Variants in SLC7A10 observed in about 807,000 individuals in gnomAD.
The protein encoded by SLC7A10 is solute carrier family 7 member 10.
In SLC7A10, 30 loss-of-function variants were observed where a neutral mutation model predicts 52.7. The ratio of observed to expected loss-of-function variants is 0.57; its 90% confidence interval spans 0.43 to 0.77. The LOEUF (loss-of-function observed/expected upper bound fraction) is 0.77. SLC7A10 is among the 30% of genes least tolerant of loss of function. The pLI, the probability that SLC7A10 is intolerant of heterozygous loss-of-function variation, is 0.00. For synonymous variants in SLC7A10, 318 were observed against 314.9 expected (o/e 1.01, Z -0.10); for missense variants, 581 against 698.5 (o/e 0.83, Z 1.90).
chr19:33,220,170 G>A (rs575473429), intron 1 of SLC7A10: 17 of 152,390 alleles, frequency 1.1e-4, no homozygotes, highest in African/African-American at 4.1e-4. Flanking sequence ...CCAAGGAGGT[G>A]AGTGGGGACA....
chr19:33,219,605 T>TG (rs1413613781), intron 1 of SLC7A10, among the ~76,000 whole-genome samples: 1 of 152,180 alleles, frequency 6.6e-6, no homozygotes, highest in African/African-American at 2.4e-5. Context: ...ATCTGCCAGG[T>TG]GGGGCCACTG....
At chr19:33,221,346 C>G (rs543074376) in intron 1 of SLC7A10, among the ~76,000 whole-genome samples, 2 of 152,294 alleles carry the variant, frequency 1.3e-5, no homozygotes, top group South Asian at 4.1e-4. Context: ...TCTTGACCCC[C>G]CCATGGTGTC....
At chr19:33,216,360 T>C (rs1003634451) in intron 1 of SLC7A10, among the ~76,000 whole-genome samples, 1 of 152,182 alleles carries the variant, frequency 6.6e-6, no homozygotes, top group Non-Finnish European at 1.5e-5. Flanking sequence ...ACAAGGCCCA[T>C]GCTCAGCCCT....
At chr19:33,224,732 C>G (rs1289825780) in intron 1 of SLC7A10, among the ~76,000 whole-genome samples, 1 of 152,206 alleles carries the variant, frequency 6.6e-6, no homozygotes, top group Non-Finnish European at 1.5e-5. Context: ...TGACTTGGGA[C>G]AGAGAGTGGA....
chr19:33,211,202 C>T, intron 7 of SLC7A10, 23 bp downstream of exon 7: 2 of 1,608,884 alleles, frequency 1.2e-6, no homozygotes, highest in Non-Finnish European at 1.7e-6. Context: ...CTCCCCATGC[C>T]CACGTCTCCC....
At chr19:33,214,089 G>A (rs1300456030) in intron 2 of SLC7A10, among the ~76,000 whole-genome samples, 1 of 152,096 alleles carries the variant, frequency 6.6e-6, no homozygotes. Context: ...CGCATGTTCC[G>A]TGCCCAGGGA....
At chr19:33,223,352 A>T (rs533091054) in intron 1 of SLC7A10, among the ~76,000 whole-genome samples, 1 of 151,854 alleles carries the variant, frequency 6.6e-6, no homozygotes, top group African/African-American at 2.4e-5. Flanking sequence ...AGGAAAGGAA[A>T]GGAAGCAGGA....
At chr19:33,218,560 G>C (rs1974738548) in intron 1 of SLC7A10, among the ~76,000 whole-genome samples, 1 of 151,672 alleles carries the variant, frequency 6.6e-6, no homozygotes, top group Non-Finnish European at 1.5e-5. Context: ...GGAGCAGCCG[G>C]GGCTGCGGGC....
chr19:33,210,303 G>C lies in SLC7A10; in HGVS notation c.1263+164C>G, dbSNP rs1974514226. 6.6e-6 allele frequency among the ~76,000 whole-genome samples: 1 copy of C among 152,148 alleles called. No homozygotes were observed. The highest frequency in any genetic ancestry group is 6.6e-5 in the Admixed American group (1 of 15,266). ...GCATTCAAAGCTCTGTCCTCATGGG[G>C]CTGCTATGAGGAATGGCTGCCTCAG... is the stretch of plus-strand genomic sequence containing the variant. On this transcript the variant is annotated intron_variant, in intron 9 of 10. Coordinates refer to ENST00000253188, the MANE Select transcript of SLC7A10 (RefSeq NM_019849.3). This position sits in a 1 kb window ranked among gnomAD's most constrained non-coding sequence, Gnocchi z 5.6.
rs1374437432 is a variant in SLC7A10, at chr19:33,225,697, C to G, written c.7G>C (p.Gly3Arg). The G allele has an allele frequency of 3.9e-6, 6 of 1,531,416 alleles. No homozygotes were observed. The African/African-American group carries it at 5.7e-5, about 14-fold the overall frequency. 94.9% of individuals were successfully genotyped at this position (1,531,416 alleles called of 1,614,324 possible). Reference protein sequence around the residue: MAGHTQQPSGRGN... With the variant: MARHTQQPSGRGN... ...CGCCCGCTCGGCTGCTGCGTGTGGC[C>G]GGCCATGTCGCTGTCCCGCCGCGTC... The change falls in exon 1 of 11, where the codon GGC (glycine) becomes CGC (arginine). Residue 3 changes from glycine (G) to arginine (R), a missense_variant. Transcript: ENST00000253188.
chr19:33,215,650 A>ATCCAGCCCCCACACCTTCTCTCCC (rs1974660684), intron 2 of SLC7A10, 119 bp downstream of exon 2: 6 of 723,404 alleles, frequency 8.3e-6, no homozygotes, highest in East Asian at 6.8e-5. Context: ...CCTTCTCTCC[A>ATCCAGCCCCCACACCTTCTCTCCC]TCCACCCCCA....
In SLC7A10 at chr19:33,212,598, T is replaced by C; in HGVS notation, c.550A>G (p.Thr184Ala). 6.2e-7 allele frequency: 1 copy of C among 1,613,922 alleles called. No homozygotes were observed. The highest frequency in any genetic ancestry group is 8.5e-7 in the Non-Finnish European group (1 of 1,180,042). Residue 184 changes from threonine to alanine, a missense_variant, in exon 4 of 11, where the codon ACG (threonine) becomes GCG (alanine). Thr to Ala is a moderately conservative substitution (Grantham distance 58, BLOSUM62 0). Coordinates refer to ENST00000253188, the MANE Select transcript of SLC7A10 (RefSeq NM_019849.3). The stretch of plus-strand genomic sequence containing the variant: ...CCTGTGAACATGTCCTGGATGCGCG[T>C]GGCCCAGCGCACACTGGAGCTGTTC... ...WVNSSSVRWATRIQDMFTGGK... is the reference protein window; with the variant it reads ...WVNSSSVRWAARIQDMFTGGK...
In SLC7A10 at chr19:33,225,828, G is replaced by T; in HGVS notation, c.-125C>A. 8.7e-7 allele frequency: 1 copy of T among 1,152,830 alleles called. No individual in the cohort carries two copies. Among genetic ancestry groups the T allele is most frequent in the Non-Finnish European group, 1.1e-6 (1 of 909,688 alleles). 71.4% of individuals were successfully genotyped at this position (1,152,830 alleles called of 1,614,324 possible). A position where few individuals can be genotyped will look rare whatever the true frequency, so the allele number is the denominator to read the frequency against. On this transcript the variant is annotated 5_prime_UTR_variant, in exon 1 of 11. Coordinates refer to ENST00000253188, the MANE Select transcript of SLC7A10 (RefSeq NM_019849.3). ...GGACAGCGCCCACAGGCGGGCGCAT[G>T]CGCTGGCTCCGGGCCCGGGACTGGG... is the stretch of plus-strand genomic sequence containing the variant.
chr19:33,212,674 G>T, intron 3 of SLC7A10, 35 bp from the exon 4 acceptor site: 2 of 1,613,062 alleles, frequency 1.2e-6, no homozygotes, highest in Non-Finnish European at 1.7e-6. Flanking sequence ...CGCCGAGGCC[G>T]GGACCTTTCA....
chr19:33,210,410 G>A lies in SLC7A10; in HGVS notation c.1263+57C>T. 2.0e-6 allele frequency: 3 copies of A among 1,537,044 alleles called. No homozygotes were observed. In the South Asian group the frequency reaches 3.6e-5, roughly 18 times the overall value. ...CCACCTGCCCCTGGTGCCCACTGTGGATGCAGGGGTGGCTCTGGCAGCACC... is the reference window on the plus strand; with the variant it reads ...CCACCTGCCCCTGGTGCCCACTGTGAATGCAGGGGTGGCTCTGGCAGCACC... On this transcript the variant is annotated intron_variant, in intron 9 of 10. Transcript: ENST00000253188. This position sits in a 1 kb window ranked among gnomAD's most constrained non-coding sequence, Gnocchi z 5.6.
At chr19:33,214,684 A>C (rs1413409973) in intron 2 of SLC7A10, among the ~76,000 whole-genome samples, 1 of 152,106 alleles carries the variant, frequency 6.6e-6, no homozygotes, top group Non-Finnish European at 1.5e-5. Flanking sequence ...CCCGGTGGGG[A>C]AAATCTTCTT....
At chr19:33,211,131 G>T (rs752482898) in intron 7 of SLC7A10, 94 bp downstream of exon 7, 4 of 1,238,712 alleles carry the variant, frequency 3.2e-6, no homozygotes, top group Non-Finnish European at 4.8e-6. Flanking sequence ...CCCCTCCCCC[G>T]GCAGGTGTCC....
In SLC7A10 at chr19:33,210,063, C is replaced by G. The variant is rs972689583; in HGVS notation, c.1263+404G>C. ...TCAAGCGATCCTCCCATTTCAGCCT[C>G]TCAAGTAGCTGGGACCACAGGTGCG... On this transcript the variant is annotated intron_variant, in intron 9 of 10. Transcript: ENST00000253188. This position sits in a 1 kb window ranked among gnomAD's most constrained non-coding sequence, Gnocchi z 5.6. Among the ~76,000 whole-genome samples the G allele has an allele frequency of 6.6e-6, 1 of 151,912 alleles. No individual in the cohort carries two copies. The highest frequency in any genetic ancestry group is 2.1e-4 in the South Asian group (1 of 4,812).
At chr19:33,222,431 A>G (rs1431631174) in intron 1 of SLC7A10, among the ~76,000 whole-genome samples, 2 of 89,440 alleles carry the variant, frequency 2.2e-5, no homozygotes, top group Non-Finnish European at 4.5e-5. Context: ...AATATAAAAT[A>G]AAATAAAATA....
Sources: gnomAD v4.1 joint callset for allele counts (sites outside exome capture counted in the v4.1 genomes callset) on GRCh38, gnomAD v4.1.1 for gene constraint, Gnocchi (gnomAD v3.1) non-coding constraint, MANE v1.5 for transcripts, NCBI Gene and HGNC (gene_info 2026-07-23, HGNC 2026-07-21) for gene names.